Variants in TLR5 observed in about 807,000 individuals in gnomAD.
TLR5 encodes the protein toll like receptor 5.
For synonymous variants in TLR5, 373 were observed against 384.4 expected, an observed-to-expected ratio of 0.97 and a Z score of 0.35; for missense variants, 944 against 999.8, an observed-to-expected ratio of 0.94 and a Z score of 0.75.
chr1:223,111,912 T>C lies in TLR5; in HGVS notation c.1120A>G (p.Ile374Val). ...AATTTGAATGTTTGGTCTTGAATTA[T>C]TGCAATGTGATTCTTTTGCAAATCA... The part of the protein sequence containing the change: ...YIDLQKNHIA[I>V]IQDQTFKFLE... The change falls in exon 6 of 6, where the codon ATA becomes GTA. Residue 374 changes from isoleucine to valine, a missense_variant. Transcript: ENST00000642603. The C allele has an allele frequency of 6.2e-7, 1 of 1,614,126 alleles. No individual in the cohort carries two copies.
In TLR5 at chr1:223,111,763, A is replaced by T. The variant is rs752566989; in HGVS notation, c.1269T>A (p.Leu423=). The change falls in exon 6 of 6, where the codon CTT becomes CTA. Residue 423 remains leucine (L), a synonymous_variant. Transcript: ENST00000642603. ...NKLVTLPKIN[L]TANLIHLSEN... is the part of the protein sequence containing the mutation. Reference sequence around the variant, plus strand: ...CTGATAAGTGGATGAGGTTCGCTGTAAGGTTGATCTTTGGCAAAGTCACTA... The same window carrying T: ...CTGATAAGTGGATGAGGTTCGCTGTTAGGTTGATCTTTGGCAAAGTCACTA... The T allele has an allele frequency of 6.2e-7, 1 of 1,614,178 alleles. No individual in the cohort carries two copies. The highest frequency in any genetic ancestry group is 8.5e-7 in the Non-Finnish European group (1 of 1,180,016).
At chr1:223,120,627 G>A (rs918615308) in intron 5 of TLR5, among the ~76,000 whole-genome samples, 8 of 152,196 alleles carry the variant, frequency 5.3e-5, no homozygotes, top group Admixed American at 2.6e-4. Flanking sequence ...TTTATTGACA[G>A]TGTTATTCAC....
In TLR5 at chr1:223,111,700, G is replaced by T. The variant is rs5744169; in HGVS notation, c.1332C>A (p.Leu444=). The part of the protein sequence containing the change: ...RLENLDILYF[L]LRVPHLQILI... ...GAATCTGGAGATGAGGTACCCGTAG[G>T]AGAAAGTAGAGAATATCTAGATTTT... Residue 444 remains leucine (L), a synonymous_variant, in exon 6 of 6, where the codon CTC becomes CTA. Transcript: ENST00000642603. 6.2e-7 allele frequency: 1 copy of T among 1,614,154 alleles called. No homozygotes were observed. Among genetic ancestry groups the T allele is most frequent in the Non-Finnish European group, 8.5e-7 (1 of 1,180,034 alleles).
chr1:223,113,039 TGGA>T lies in TLR5; in HGVS notation c.-4-7_-4-5del. 6.2e-7 allele frequency: 1 copy of T among 1,613,972 alleles called. No individual in the cohort carries two copies. Among genetic ancestry groups the T allele is most frequent in the Middle Eastern group, 1.6e-4 (1 of 6,062 alleles). ...GTCCAGGTGGTCTCCCATGATCCTATGGAGAAGAAGGGAGAATGAAAACACAGG... is the reference window on the plus strand; with the variant it reads ...GTCCAGGTGGTCTCCCATGATCCTATGAAGAAGGGAGAATGAAAACACAGG... On this transcript the variant is annotated splice_region_variant and splice_polypyrimidine_tract_variant and intron_variant, in intron 5 of 5. Coordinates refer to ENST00000642603, the MANE Select transcript of TLR5 (RefSeq NM_003268.6).
intron 2 of TLR5, among the ~76,000 whole-genome samples, chr1:223,139,634 A>C (rs1657756640): frequency 1.3e-5 from 2 of 152,148 alleles, no homozygotes; most frequent in Admixed American, 1.3e-4. Flanking sequence ...GTGGCTCAGA[A>C]GGTAGATTTG....
intron 3 of TLR5, among the ~76,000 whole-genome samples, chr1:223,135,143 CT>C (rs2102933001): frequency 1.3e-5 from 2 of 152,280 alleles, no homozygotes; most frequent in African/African-American, 4.8e-5. Context: ...GAGACACCCC[CT>C]GATGCAAGGT....
At position 223,111,448 on chromosome 1, in the gene TLR5, T is replaced by C. The variant is rs149015951; in HGVS notation, c.1584A>G (p.Leu528=). Residue 528 remains leucine (L), a synonymous_variant, in exon 6 of 6, where the codon TTA becomes TTG. Transcript: ENST00000642603. ...TGTTGGAGTTGAGGCTTAGTCCCCT[T>C]AATGCAGTCAGATGGCTAAATACTC... ...PPGVFSHLTA[L]RGLSLNSNRL... 5.0e-6 allele frequency: 8 copies of C among 1,614,062 alleles called. No homozygotes were observed. The African/African-American group carries it at 1.1e-4, about 22-fold the overall frequency.
intron 5 of TLR5, among the ~76,000 whole-genome samples, chr1:223,120,674 T>C (rs986683323): frequency 1.3e-5 from 2 of 152,244 alleles, no homozygotes; most frequent in African/African-American, 4.8e-5. Flanking sequence ...CCAGTGCCTC[T>C]GTGGAGAATC....
chr1:223,142,301 T>C (rs79305607), intron 1 of TLR5, among the ~76,000 whole-genome samples: 27 of 152,246 alleles, frequency 1.8e-4, no homozygotes, highest in East Asian at 1.2e-3. Context: ...GATCATCTCA[T>C]TGACTAGGTG....
rs5744173 is a variant in TLR5, at chr1:223,111,239, T to C, written c.1793A>G (p.Asn598Ser). The C allele has an allele frequency of 1.9e-6, 3 of 1,614,076 alleles. No individual in the cohort carries two copies. Among genetic ancestry groups the C allele is most frequent in the African/African-American group, 1.3e-5 (1 of 74,930 alleles). Residue 598 changes from asparagine (N) to serine (S), a missense_variant, in exon 6 of 6, where the codon AAT becomes AGT. By Grantham distance (46) the Asn-to-Ser change is conservative. Transcript: ENST00000642603. ...TGCAGGAGGCCCAGCTATAGTGACA[T>C]TGGTGTGATTAAGCCAATTGATAAA... ...STFINWLNHT[N>S]VTIAGPPADI...
intron 3 of TLR5, among the ~76,000 whole-genome samples, chr1:223,135,849 T>C (rs764214749): frequency 9.9e-5 from 15 of 152,198 alleles, no homozygotes; most frequent in Non-Finnish European, 2.1e-4. Context: ...ATAGCAACTT[T>C]TTCCCCCCTC....
intron 2 of TLR5, among the ~76,000 whole-genome samples, chr1:223,139,607 A>C (rs1028759238): frequency 6.6e-6 from 1 of 152,130 alleles, no homozygotes; most frequent in African/African-American, 2.4e-5. Context: ...AGGCCTGGGG[A>C]GCTACCTGGG....
At chr1:223,135,774 T>C (rs1364313966) in intron 3 of TLR5, among the ~76,000 whole-genome samples, 1 of 152,154 alleles carries the variant, frequency 6.6e-6, no homozygotes. Flanking sequence ...TGAAGATACA[T>C]AGTGGAAAAT....
intron 5 of TLR5, among the ~76,000 whole-genome samples, chr1:223,119,533 A>G (rs1656834538): frequency 6.6e-6 from 1 of 151,966 alleles, no homozygotes; most frequent in Non-Finnish European, 1.5e-5. Context: ...TCAGGCCATG[A>G]TGGGAAAGGT....
chr1:223,113,084 A>G lies in TLR5; in HGVS notation c.-4-49T>C, dbSNP rs45506101. ...AAACACAGGCATTTAAGCTCGAGGTATTGCACTGGGGTCTTCAGATCTTGG... is the reference window on the plus strand; with the variant it reads ...AAACACAGGCATTTAAGCTCGAGGTGTTGCACTGGGGTCTTCAGATCTTGG... On this transcript the variant is annotated intron_variant, in intron 5 of 5. Transcript: ENST00000642603. The G allele has an allele frequency of 4.8e-3, 7,640 of 1,575,922 alleles. 241 individuals are homozygous for G. In the East Asian group the frequency reaches 0.053, roughly 11 times the overall value.
chr1:223,137,305 G>C (rs1443399071), intron 2 of TLR5, 42 bp from the exon 3 acceptor site: 3 of 152,200 alleles, frequency 2.0e-5, no homozygotes, highest in African/African-American at 7.2e-5. Context: ...ATTTAGCATA[G>C]TGGTTTAAGT....
intron 5 of TLR5, among the ~76,000 whole-genome samples, chr1:223,122,023 A>G (rs1464048502): frequency 6.6e-6 from 1 of 152,232 alleles, no homozygotes; most frequent in Non-Finnish European, 1.5e-5. Flanking sequence ...TATTGAAAGA[A>G]AATAGAAACC....
At chr1:223,114,464 T>TGAAA in intron 5 of TLR5, among the ~76,000 whole-genome samples, 1 of 152,102 alleles carries the variant, frequency 6.6e-6, no homozygotes, top group African/African-American at 2.4e-5. Flanking sequence ...GAAAAATAAA[T>TGAAA]GAAAGAAATA....
chr1:223,141,253 C>T (rs1412070341), intron 2 of TLR5: 2 of 152,170 alleles, frequency 1.3e-5, no homozygotes, highest in South Asian at 2.1e-4. Context: ...AGGCACTGTT[C>T]TGGAAACACC....
Sources: gnomAD v4.1 joint callset for allele counts (sites outside exome capture counted in the v4.1 genomes callset) on GRCh38, gnomAD v4.1.1 for gene constraint, MANE v1.5 for transcripts, NCBI Gene and HGNC (gene_info 2026-07-23, HGNC 2026-07-21) for gene names.